The following SLC6A9 variants were observed in gnomAD, a reference collection of about 807,000 sequenced individuals.
SLC6A9 encodes the protein solute carrier family 6 member 9.
In SLC6A9, 31 loss-of-function variants were observed where a neutral mutation model predicts 70.9. That is an observed-to-expected ratio of 0.44 (90% CI 0.33 to 0.59). The LOEUF is 0.59. SLC6A9 is among the 20% of genes least tolerant of loss of function. The probability of loss-of-function intolerance (pLI) is 0.04; values close to 1 mark genes in which losing one functional copy is unlikely to be tolerated. For missense variants in SLC6A9, 631 were observed against 845.2 expected (o/e 0.75, Z 3.14); for synonymous variants, 310 against 341.3 (o/e 0.91, Z 1.01).
rs1451658218 is a variant in SLC6A9, at chr1:44,002,138, C to T, written c.962+175G>A. On this transcript the variant is annotated intron_variant, in intron 8 of 13. Coordinates refer to ENST00000372310, the MANE Select transcript of SLC6A9 (RefSeq NM_001024845.3). The surrounding 1 kb of genome is among the most constrained non-coding windows in gnomAD (Gnocchi z 5.5). ...CACTGTCCCTATCTCTCTTCTCTCT[C>T]CTGCCTAAACCTCTCTCCTCATTCT... 2.6e-5 allele frequency among the ~76,000 whole-genome samples: 4 copies of T among 152,194 alleles called. No homozygotes were observed. Among genetic ancestry groups the T allele is most frequent in the African/African-American group, 7.2e-5 (3 of 41,450 alleles).
Position 44,001,276 on chromosome 1 carries a change from A to T in SLC6A9, c.1223T>A (p.Val408Asp). The change falls in exon 10 of 14, where the codon GTC (valine) becomes GAC (aspartate). Residue 408 changes from valine to aspartate, a missense_variant. Transcript: ENST00000372310. ...CCCCACCTCATCCACAATGGCTGTG[A>T]CCAGCGTCTCCAGGAGGCAGAACTG... Reference protein sequence around the residue: ...GTQFCLLETLVTAIVDEVGNE... With the variant: ...GTQFCLLETLDTAIVDEVGNE... 1 of 1,614,206 alleles carries T rather than the reference A, an allele frequency of 6.2e-7. No homozygotes were observed. Among genetic ancestry groups the T allele is most frequent in the South Asian group, 1.1e-5 (1 of 91,088 alleles).
At chr1:44,021,551 G>C (rs866376867) in intron 2 of SLC6A9, among the ~76,000 whole-genome samples, 5 of 152,236 alleles carry the variant, frequency 3.3e-5, no homozygotes, top group Non-Finnish European at 5.9e-5. Flanking sequence ...AAGGGGGATA[G>C]AAGTGAGGAT....
At chr1:44,020,317 G>A (rs2086857780) in intron 2 of SLC6A9, among the ~76,000 whole-genome samples, 1 of 152,182 alleles carries the variant, frequency 6.6e-6, no homozygotes, top group South Asian at 2.1e-4. Flanking sequence ...CCGATGCTGA[G>A]ACAGCACTCA....
In SLC6A9 at chr1:44,009,889, T is replaced by C. The variant is rs1056014511; in HGVS notation, c.319+76A>G. Reference sequence around the variant, plus strand: ...CAGAGGTCAGCCATGTTTGTACAGATGGGCGAGTTGGCACGGCCCTCAGAG... The same window carrying C: ...CAGAGGTCAGCCATGTTTGTACAGACGGGCGAGTTGGCACGGCCCTCAGAG... On this transcript the variant is annotated intron_variant, in intron 4 of 13. Transcript: ENST00000372310. 7 of 1,544,268 alleles carry C rather than the reference T, an allele frequency of 4.5e-6. No individual in the cohort carries two copies. In the African/African-American group the frequency reaches 9.6e-5, roughly 21 times the overall value.
chr1:44,021,131 T>C (rs1489622822), intron 2 of SLC6A9, among the ~76,000 whole-genome samples: 1 of 152,160 alleles, frequency 6.6e-6, no homozygotes, highest in African/African-American at 2.4e-5. Context: ...CCTGGGTCCC[T>C]CTCCTCCAGC....
At chr1:44,015,611 ATTG>A (rs2086714051) in intron 2 of SLC6A9, among the ~76,000 whole-genome samples, 1 of 152,220 alleles carries the variant, frequency 6.6e-6, no homozygotes, top group Admixed American at 6.5e-5. Flanking sequence ...ATTACAGTAA[ATTG>A]TGGCTGCCTC....
intron 5 of SLC6A9, among the ~76,000 whole-genome samples, chr1:44,008,071 T>G (rs1253941797): frequency 6.6e-6 from 1 of 152,126 alleles, no homozygotes. Flanking sequence ...GGTTTCACCG[T>G]GTTAGCCAGG....
chr1:44,001,014 G>A lies in SLC6A9; in HGVS notation c.1377C>T (p.Ala459=), dbSNP rs2154304453. 6.3e-7 allele frequency: 1 copy of A among 1,581,378 alleles called. No homozygotes were observed. The highest frequency in any genetic ancestry group is 8.6e-7 in the Non-Finnish European group (1 of 1,161,762). The change falls in exon 11 of 14, where the codon GCC becomes GCT. Residue 459 remains alanine (A), a synonymous_variant. Transcript: ENST00000372310. ...YWLLLMDNYA[A]SFSLVVISCI... is the part of the protein sequence containing the mutation. ...AGGAGATGACCACCAAGGAGAAGCT[G>A]GCCGCATAGTTGTCCATCAGCAGCA...
At position 43,996,512 on chromosome 1, in the gene SLC6A9, A is replaced by G. The variant is rs1450723398; in HGVS notation, c.*1033T>C. On this transcript the variant is annotated 3_prime_UTR_variant, in exon 14 of 14. Transcript: ENST00000372310. Reference sequence around the variant, plus strand: ...AGACAGGAATAGAAATTTCATTAAAATCTATGGACTTTAAAATCCTAGTGG... The same window carrying G: ...AGACAGGAATAGAAATTTCATTAAAGTCTATGGACTTTAAAATCCTAGTGG... 1 of 273,768 alleles carries G rather than the reference A, an allele frequency of 3.7e-6. No homozygotes were observed. The highest frequency in any genetic ancestry group is 7.3e-5 in the East Asian group (1 of 13,634). The allele number at this position is 273,768 out of a possible 1,614,324, so 17.0% of individuals were successfully genotyped here. A position where few individuals can be genotyped will look rare whatever the true frequency, so the allele number is the denominator to read the frequency against.
intron 2 of SLC6A9, among the ~76,000 whole-genome samples, chr1:44,022,475 C>G (rs1279566861): frequency 6.6e-6 from 1 of 152,096 alleles, no homozygotes; most frequent in African/African-American, 2.4e-5. Context: ...TCCATCTGGG[C>G]CCATTTCTGA....
chr1:44,004,278 G>A (rs1024679723), intron 5 of SLC6A9, among the ~76,000 whole-genome samples: 2 of 152,166 alleles, frequency 1.3e-5, no homozygotes, highest in Non-Finnish European at 2.9e-5. Flanking sequence ...TTACAGGCGT[G>A]AGCCACCACG....
intron 1 of SLC6A9, among the ~76,000 whole-genome samples, chr1:44,026,535 T>C (rs901675714): frequency 3.3e-5 from 5 of 151,948 alleles, no homozygotes; most frequent in African/African-American, 1.2e-4. Flanking sequence ...GGTATGCGCC[T>C]GTAGTCCCAG....
chr1:44,028,861 C>CCAAAAATGA (rs2087036141), intron 1 of SLC6A9, among the ~76,000 whole-genome samples: 1 of 151,882 alleles, frequency 6.6e-6, no homozygotes, highest in African/African-American at 2.4e-5. Flanking sequence ...TGAAGGGGCT[C>CCAAAAATGA]AGGTTAGGAA....
At position 44,001,474 on chromosome 1, in the gene SLC6A9, G is replaced by A. The variant is rs752071690; in HGVS notation, c.1116C>T (p.Pro372=). 16 of 1,614,206 alleles carry A rather than the reference G, an allele frequency of 9.9e-6. No homozygotes were observed. In the Admixed American group the frequency reaches 1.0e-4, roughly 10 times the overall value. The part of the protein sequence containing the change: ...HGPGLAFVAY[P]EALTLLPISP... ...AGATGGGAAGTAGTGTGAGGGCCTC[G>A]GGGTAAGCCACGAAGGCCAGGCCAG... Residue 372 remains proline, a synonymous_variant, in exon 9 of 14, where the codon CCC becomes CCT. Transcript: ENST00000372310.
chr1:44,019,150 A>G (rs1353828095), intron 2 of SLC6A9, among the ~76,000 whole-genome samples: 1 of 152,172 alleles, frequency 6.6e-6, no homozygotes, highest in African/African-American at 2.4e-5. Context: ...GTAATAGAAA[A>G]TACATAGTAA....
intron 2 of SLC6A9, among the ~76,000 whole-genome samples, chr1:44,016,213 G>T (rs1241312478): frequency 6.6e-6 from 1 of 152,194 alleles, no homozygotes; most frequent in Non-Finnish European, 1.5e-5. Context: ...GGAGGCAATG[G>T]TCATGTCCTG....
intron 2 of SLC6A9, among the ~76,000 whole-genome samples, chr1:44,019,153 C>A (rs1293443999): frequency 6.6e-6 from 1 of 152,160 alleles, no homozygotes; most frequent in Non-Finnish European, 1.5e-5. Flanking sequence ...ATAGAAAATA[C>A]ATAGTAAGTG....
At chr1:44,003,107 G>A (rs2086182476) in intron 5 of SLC6A9, 122 bp from the exon 6 acceptor site, 4 of 1,179,938 alleles carry the variant, frequency 3.4e-6, no homozygotes, top group Admixed American at 2.1e-5. Flanking sequence ...GCCACCTTGT[G>A]TGACATGGGA....
At chr1:44,022,166 G>A (rs1023803528) in intron 2 of SLC6A9, among the ~76,000 whole-genome samples, 1 of 152,212 alleles carries the variant, frequency 6.6e-6, no homozygotes. Context: ...AGCACAGTCC[G>A]GGAAGCTCAG....
Sources: gnomAD v4.1 joint callset for allele counts (sites outside exome capture counted in the v4.1 genomes callset) on GRCh38, gnomAD v4.1.1 for gene constraint, Gnocchi (gnomAD v3.1) non-coding constraint, MANE v1.5 for transcripts, NCBI Gene and HGNC (gene_info 2026-07-23, HGNC 2026-07-21) for gene names.